The following CNTNAP5 variants were observed in gnomAD, a reference collection of about 807,000 sequenced individuals.
The protein encoded by CNTNAP5 is contactin-associated protein-like 5.
Under a neutral mutation model 150.2 loss-of-function variants are expected in CNTNAP5, and 72 were observed. The ratio of observed to expected loss-of-function variants is 0.48; its 90% CI spans 0.40 to 0.58. CNTNAP5 has a LOEUF of 0.58. CNTNAP5 is among the 20% of genes least tolerant of loss of function. The pLI, the probability that CNTNAP5 is intolerant of heterozygous loss-of-function variation, is 0.00. For synonymous variants in CNTNAP5, 672 were observed against 619.8 expected, an observed-to-expected ratio of 1.08 and a Z score of -1.25; for missense variants, 1,636 against 1,626.2, an observed-to-expected ratio of 1.01 and a Z score of -0.10.
chr2:124,588,212 CTT>C (rs1194264375), intron 11 of CNTNAP5, among the ~76,000 whole-genome samples: 1 of 130,120 alleles, frequency 7.7e-6, no homozygotes, highest in Non-Finnish European at 1.6e-5. Flanking sequence ...TTCTTTCTTT[CTT>C]TCTTTCTTTC....
At position 124,898,610 on chromosome 2, in the gene CNTNAP5, C is replaced by T. The variant is rs115927169; in HGVS notation, c.3437-4272C>T. Among the ~76,000 whole-genome samples the T allele has an allele frequency of 6.1e-3, 920 of 151,510 alleles. 33 individuals carry two copies. Among genetic ancestry groups the T allele is most frequent in the African/African-American group, 0.018 (753 of 40,954 alleles). ...AAGTCAAATTTTAAATGCCCAAAAACGTTAGTTTAAAATAAGTTAACTAAG... is the reference window on the plus strand; with the variant it reads ...AAGTCAAATTTTAAATGCCCAAAAATGTTAGTTTAAAATAAGTTAACTAAG... On this transcript the variant is annotated intron_variant, in intron 21 of 23. Coordinates refer to ENST00000682447, the MANE Select transcript of CNTNAP5 (RefSeq NM_001367498.1).
In CNTNAP5 at chr2:124,693,138, A is replaced by AT. The variant is rs200191167; in HGVS notation, c.2077+45189dup. 1.0e-2 allele frequency among the ~76,000 whole-genome samples: 1,512 copies of AT among 151,342 alleles called. 30 individuals are homozygous for AT. The highest frequency in any genetic ancestry group is 0.035 in the African/African-American group (1,431 of 41,254). ...TACGGGTTCAAATCTTGGCTTCACT[A>AT]TTTTTTTTTCCCCGTTTGGGCCTGG... On this transcript the variant is annotated intron_variant, in intron 13 of 23. Transcript: ENST00000682447.
chr2:124,331,844 A>C (rs1203032618), intron 3 of CNTNAP5, among the ~76,000 whole-genome samples: 1 of 152,012 alleles, frequency 6.6e-6, no homozygotes, highest in Non-Finnish European at 1.5e-5. Context: ...TTTGTAATTC[A>C]CTCAAAAGAT....
intron 3 of CNTNAP5, among the ~76,000 whole-genome samples, chr2:124,269,297 G>A (rs1460269271): frequency 2.0e-5 from 3 of 152,106 alleles, no homozygotes; most frequent in Non-Finnish European, 4.4e-5. Flanking sequence ...ACATCCCAGT[G>A]CAGAACCTTT....
chr2:124,329,540 C>A (rs915719421), intron 3 of CNTNAP5, among the ~76,000 whole-genome samples: 1 of 152,072 alleles, frequency 6.6e-6, no homozygotes, highest in Non-Finnish European at 1.5e-5. Context: ...AAGCTCCATA[C>A]CTTGGTATAT....
At chr2:124,326,847 T>C (rs1054154480) in intron 3 of CNTNAP5, among the ~76,000 whole-genome samples, 3 of 151,870 alleles carry the variant, frequency 2.0e-5, no homozygotes, top group African/African-American at 7.3e-5. Context: ...TGCACACCCA[T>C]AGTCCCAGCT....
chr2:124,318,096 T>G (rs1205123086), intron 3 of CNTNAP5, among the ~76,000 whole-genome samples: 2 of 151,902 alleles, frequency 1.3e-5, no homozygotes, highest in Admixed American at 1.3e-4. Context: ...CTGGAGGCAG[T>G]GGAGGAGAGG....
chr2:124,467,853 C>T (rs928383621), intron 6 of CNTNAP5, among the ~76,000 whole-genome samples: 8 of 152,114 alleles, frequency 5.3e-5, no homozygotes, highest in South Asian at 4.2e-4. Flanking sequence ...TGCTCATCAG[C>T]CTCTGTTGCT....
intron 14 of CNTNAP5, among the ~76,000 whole-genome samples, chr2:124,759,899 A>T (rs1680921516): frequency 7.6e-6 from 1 of 131,410 alleles, no homozygotes; most frequent in African/African-American, 2.9e-5. Context: ...AATGACCTTT[A>T]AGCTCATTTA....
At chr2:124,777,386 A>G (rs535453321) in intron 17 of CNTNAP5, among the ~76,000 whole-genome samples, 2 of 152,056 alleles carry the variant, frequency 1.3e-5, no homozygotes, top group South Asian at 2.1e-4. Flanking sequence ...GCTATTATAT[A>G]TTTTTTGAAA....
chr2:124,092,804 AAG>A (rs1231174476), intron 1 of CNTNAP5, among the ~76,000 whole-genome samples: 2 of 152,172 alleles, frequency 1.3e-5, no homozygotes, highest in Non-Finnish European at 2.9e-5. Flanking sequence ...CCTAAGTCCA[AAG>A]ATTGTTTGAG....
intron 3 of CNTNAP5, among the ~76,000 whole-genome samples, chr2:124,304,141 G>T (rs111578835): frequency 1.1e-3 from 168 of 152,298 alleles, no homozygotes; most frequent in African/African-American, 3.7e-3. Flanking sequence ...TGTATATATT[G>T]TATACTTTAG....
chr2:124,519,012 A>C lies in CNTNAP5; in HGVS notation c.1328-5291A>C, dbSNP rs987816561. Among the ~76,000 whole-genome samples, 139 of 151,598 alleles carry C rather than the reference A, an allele frequency of 9.2e-4. 1 individual carries two copies. The highest frequency in any genetic ancestry group is 2.0e-3 in the Non-Finnish European group (133 of 67,862). ...TGGGCCGCAAAAAAAAAAAAAAAAAAAAAAAAGTACTGATTCATGCTACGT... is the reference window on the plus strand; with the variant it reads ...TGGGCCGCAAAAAAAAAAAAAAAAACAAAAAAGTACTGATTCATGCTACGT... On this transcript the variant is annotated intron_variant, in intron 8 of 23. Coordinates refer to ENST00000682447, the MANE Select transcript of CNTNAP5 (RefSeq NM_001367498.1).
intron 6 of CNTNAP5, among the ~76,000 whole-genome samples, chr2:124,450,893 C>T (rs1460698767): frequency 2.7e-5 from 4 of 150,346 alleles, no homozygotes; most frequent in Admixed American, 6.6e-5. Flanking sequence ...AGGAGTCAGG[C>T]GTGGTGTTTT....
intron 13 of CNTNAP5, among the ~76,000 whole-genome samples, chr2:124,668,874 G>C (rs981654453): frequency 5.3e-5 from 8 of 152,134 alleles, no homozygotes; most frequent in African/African-American, 2.4e-5. Flanking sequence ...GGAAGGTTAG[G>C]AAGTGCTAGG....
chr2:124,101,887 T>G (rs1304456317), intron 1 of CNTNAP5, among the ~76,000 whole-genome samples: 1 of 152,316 alleles, frequency 6.6e-6, no homozygotes, highest in African/African-American at 2.4e-5. Flanking sequence ...TATCAGACAT[T>G]CACTCTTCTT....
chr2:124,852,809 C>A (rs1262824942), intron 19 of CNTNAP5, among the ~76,000 whole-genome samples: 1 of 152,120 alleles, frequency 6.6e-6, no homozygotes, highest in East Asian at 1.9e-4. Flanking sequence ...TTAGTAGAGA[C>A]CAGAGGGCTG....
chr2:124,414,722 C>CGTGTGT (rs58485169), intron 3 of CNTNAP5, among the ~76,000 whole-genome samples: 26 of 149,740 alleles, frequency 1.7e-4, no homozygotes, highest in Middle Eastern at 6.8e-3. Flanking sequence ...TGTGTGTGTG[C>CGTGTGT]GTGTGTGTGT....
intron 1 of CNTNAP5, among the ~76,000 whole-genome samples, chr2:124,147,112 A>G (rs1199256342): frequency 6.6e-6 from 1 of 152,210 alleles, no homozygotes; most frequent in Non-Finnish European, 1.5e-5. Flanking sequence ...CAGAGCTTGG[A>G]GAAAGACGGA....
Sources: gnomAD v4.1 joint callset for allele counts (sites outside exome capture counted in the v4.1 genomes callset) on GRCh38, gnomAD v4.1.1 for gene constraint, MANE v1.5 for transcripts, NCBI Gene and HGNC (gene_info 2026-07-23, HGNC 2026-07-21) for gene names.